The following DISP2 variants were observed in gnomAD, a reference collection of about 807,000 sequenced individuals.
DISP2 encodes protein dispatched homolog 2.
A neutral mutation model predicts 95.5 loss-of-function variants in DISP2; 59 were observed. That is an observed-to-expected ratio of 0.62 (90% CI 0.50 to 0.77). DISP2 has a LOEUF of 0.77. Among genes scored for constraint, DISP2 ranks in the 30% least tolerant of loss-of-function variants. The pLI, the probability that DISP2 is intolerant of heterozygous loss-of-function variation, is 0.00. For synonymous variants in DISP2, 827 were observed against 815.0 expected, an observed-to-expected ratio of 1.01 and a Z score of -0.25; for missense variants, 1,752 against 1,854.6, an observed-to-expected ratio of 0.94 and a Z score of 1.02.
intron 2 of DISP2, 95 bp from the exon 3 acceptor site, chr15:40,364,131 C>T (rs1889454450): frequency 1.3e-6 from 2 of 1,570,472 alleles, no homozygotes. Flanking sequence ...CATGGGTTAT[C>T]CCTCACCTAC....
rs1889714139 is a variant in DISP2, at chr15:40,375,176, T to C, written c.*4858T>C. 6.6e-6 allele frequency: 1 copy of C among 152,238 alleles called. No individual in the cohort carries two copies. The highest frequency in any genetic ancestry group is 6.5e-5 in the Admixed American group (1 of 15,288). 9.4% of individuals were successfully genotyped at this position (152,238 alleles called of 1,614,324 possible). ...AGAAAGCCACTATGTGCTATGTAAA[T>C]GTCTGGCCATCCAAAGCCACCTTAT... On this transcript the variant is annotated 3_prime_UTR_variant, in exon 8 of 8. Transcript: ENST00000267889.
In DISP2 at chr15:40,369,446, T is replaced by C; in HGVS notation, c.3334T>C (p.Cys1112Arg). 6.2e-7 allele frequency: 1 copy of C among 1,613,394 alleles called. No individual in the cohort carries two copies. Among genetic ancestry groups the C allele is most frequent in the Non-Finnish European group, 8.5e-7 (1 of 1,180,016 alleles). ...FASFFFQSLC[C>R]FFGPEKNCGQ... ...CAGCTTCTTCTTCCAATCTCTCTGC[T>C]GTTTCTTCGGGCCAGAGAAGAACTG... Residue 1112 changes from cysteine to arginine, a missense_variant, in exon 8 of 8, where the codon TGT becomes CGT. By Grantham distance (180) the Cys-to-Arg change is radical. Around this residue, in one of 5 missense-constraint regions of DISP2, gnomAD observed 317 missense variants for 394.9 expected, o/e 0.80. Transcript: ENST00000267889.
In DISP2 at chr15:40,358,266, G is replaced by GCCA; in HGVS notation, c.-54_-53insACC. 1 of 989,552 alleles carries GCCA rather than the reference G, an allele frequency of 1.0e-6. No individual in the cohort carries two copies. The highest frequency in any genetic ancestry group is 1.3e-6 in the Non-Finnish European group (1 of 782,874). 61.3% of individuals were successfully genotyped at this position (989,552 alleles called of 1,614,324 possible). A position where few individuals can be genotyped will look rare whatever the true frequency, so the allele number is the denominator to read the frequency against. On this transcript the variant is annotated 5_prime_UTR_variant, in exon 1 of 8. Transcript: ENST00000267889. ...CGCTGCCGCCGCCACCGCCGCCGCC[G>GCCA]CCGCCGCCGCCGCGGCTTCAGCACC... is the stretch of plus-strand genomic sequence containing the variant.
chr15:40,367,478 C>T lies in DISP2; in HGVS notation c.1366C>T (p.Leu456=). The T allele has an allele frequency of 6.2e-7, 1 of 1,613,840 alleles. No homozygotes were observed. Among genetic ancestry groups the T allele is most frequent in the African/African-American group, 1.3e-5 (1 of 74,972 alleles). ...CCTCATGGACATCTACCTGGACCGG[C>T]TGGCCACCCCCTGGGGGCTTGCTGA... ...ASLMDIYLDR[L]ATPWGLADNY... is the part of the protein sequence containing the mutation. Residue 456 remains leucine (L), a synonymous_variant, in exon 8 of 8, where the codon CTG becomes TTG. Transcript: ENST00000267889.
At chr15:40,365,576 C>T in intron 6 of DISP2, 52 bp from the exon 7 acceptor site, 1 of 1,601,636 alleles carries the variant, frequency 6.2e-7, no homozygotes, top group Non-Finnish European at 8.6e-7. Context: ...TTTGGAGGAC[C>T]CAGGACCTGG....
At position 40,373,279 on chromosome 15, in the gene DISP2, T is replaced by C. The variant is rs557759312; in HGVS notation, c.*2961T>C. The C allele has an allele frequency of 1.6e-3, 239 of 152,340 alleles. 1 individual carries two copies. Among genetic ancestry groups the C allele is most frequent in the African/African-American group, 5.6e-3 (232 of 41,560 alleles). The allele number at this position is 152,340 out of a possible 1,614,324, so 9.4% of individuals were successfully genotyped here. ...TGCTTGCCCTGCAAAATTCAAGAAA[T>C]GATTTCTCCCCACTCAGACACTCTA... On this transcript the variant is annotated 3_prime_UTR_variant, in exon 8 of 8. Coordinates refer to ENST00000267889, the MANE Select transcript of DISP2 (RefSeq NM_033510.3).
In DISP2 at chr15:40,370,375, G is replaced by A; in HGVS notation, c.*57G>A. 1.3e-6 allele frequency: 2 copies of A among 1,504,938 alleles called. No homozygotes were observed. The highest frequency in any genetic ancestry group is 4.6e-5 in the East Asian group (2 of 43,898). 93.2% of individuals were successfully genotyped at this position (1,504,938 alleles called of 1,614,324 possible). On this transcript the variant is annotated 3_prime_UTR_variant, in exon 8 of 8. Transcript: ENST00000267889. ...AACCCTGTCATGGATGACAAGGCAA[G>A]GGCAGCAATAGGCTGGAGCCCGAAG... is the stretch of plus-strand genomic sequence containing the variant.
rs1239862119 is a variant in DISP2 at position 40,368,343 on chromosome 15, A to AC, written c.2235dup (p.Phe746LeufsTer46). 2 of 1,604,492 alleles carry AC rather than the reference A, an allele frequency of 1.2e-6. No homozygotes were observed. The highest frequency in any genetic ancestry group is 1.7e-6 in the Non-Finnish European group (2 of 1,177,798). ...GGCGGCCAGGTCTTCCGGCCCAGCC[A>AC]CCCCTTCGAGCGCTTCGACGCGGAG... On this transcript the variant is annotated frameshift_variant, in exon 8 of 8. Coordinates refer to ENST00000267889, the MANE Select transcript of DISP2 (RefSeq NM_033510.3). LOFTEE classifies it high-confidence loss of function.
In DISP2 at chr15:40,365,149, C is replaced by G; in HGVS notation, c.722C>G (p.Ser241Trp). 1 of 1,613,218 alleles carries G rather than the reference C, an allele frequency of 6.2e-7. No homozygotes were observed. The highest frequency in any genetic ancestry group is 2.2e-5 in the East Asian group (1 of 44,884). The change falls in exon 6 of 8, where the codon TCG becomes TGG. Residue 241 changes from serine to tryptophan, a missense_variant and splice_region_variant. By Grantham distance (177) the Ser-to-Trp change is radical. Around this residue, in one of 5 missense-constraint regions of DISP2, gnomAD observed 342 missense variants for 364.3 expected, o/e 0.94. Coordinates refer to ENST00000267889, the MANE Select transcript of DISP2 (RefSeq NM_033510.3). ...CATAGATATTCTCTCCACTTCAGCT[C>G]GAGCTCCCACAACACTCTGAGGCCT... ...FLSPDLELNSSSSHNTLRPAP... is the reference protein window; with the variant it reads ...FLSPDLELNSWSSHNTLRPAP...
Position 40,363,848 on chromosome 15 carries a change from G to A in DISP2, c.343G>A (p.Ala115Thr), listed in dbSNP as rs572866435. 3 of 1,609,868 alleles carry A rather than the reference G, an allele frequency of 1.9e-6. No individual in the cohort carries two copies. The South Asian group carries it at 3.3e-5, about 18-fold the overall frequency. ...TTCCCTGCCAGGACTTGGGGATCGGGCAGCTCTCTGCTCCCACGGCTCCAG... is the reference window on the plus strand; with the variant it reads ...TTCCCTGCCAGGACTTGGGGATCGGACAGCTCTCTGCTCCCACGGCTCCAG... ...GSSLPGLGDR[A>T]ALCSHGSSLS... Residue 115 changes from alanine to threonine, a missense_variant, in exon 2 of 8, where the codon GCA becomes ACA. Ala to Thr is a moderately conservative substitution (Grantham distance 58). This residue lies in a region of DISP2 where 342 missense variants were observed against 364.3 expected (regional missense o/e 0.94). Transcript: ENST00000267889.
Position 40,369,869 on chromosome 15 carries a change from C to T in DISP2, c.3757C>T (p.Gln1253Ter). The T allele has an allele frequency of 6.4e-7, 1 of 1,568,284 alleles. No individual in the cohort carries two copies. The highest frequency in any genetic ancestry group is 8.7e-7 in the Non-Finnish European group (1 of 1,155,646). Residue 1253 changes from glutamine to a stop codon, truncating the protein, a stop_gained, in exon 8 of 8, where the codon CAA becomes TAA. Coordinates refer to ENST00000267889, the MANE Select transcript of DISP2 (RefSeq NM_033510.3). LOFTEE classifies it high-confidence loss of function. Reference protein sequence around the residue: ...SPKTRARQDSQGEEAEPLPAS... With the variant: ...SPKTRARQDS Reference sequence around the variant, plus strand: ...CAAAACCCGGGCCAGGCAGGACTCCCAAGGGGAGGAGGCTGAGCCCCTGCC... The same window carrying T: ...CAAAACCCGGGCCAGGCAGGACTCCTAAGGGGAGGAGGCTGAGCCCCTGCC...
rs1185658741 is a variant in DISP2, at chr15:40,370,137, T to TG, written c.4027dup (p.Ala1343GlyfsTer8). The TG allele has an allele frequency of 4.4e-6, 7 of 1,608,572 alleles. No individual in the cohort carries two copies. The highest frequency in any genetic ancestry group is 5.9e-6 in the Non-Finnish European group (7 of 1,176,988). On this transcript the variant is annotated frameshift_variant, in exon 8 of 8. Coordinates refer to ENST00000267889, the MANE Select transcript of DISP2 (RefSeq NM_033510.3). LOFTEE classifies it high-confidence loss of function. ...AATGGGAAGCGGGACACCCTGTGGC[T>TG]GGCGCTGAGGGAGACAGTGTATGAC... is the stretch of plus-strand genomic sequence containing the variant.
Position 40,367,368 on chromosome 15 carries a change from A to C in DISP2, c.1256A>C (p.Asp419Ala), listed in dbSNP as rs777581986. 1 of 1,612,818 alleles carries C rather than the reference A, an allele frequency of 6.2e-7. No individual in the cohort carries two copies. Among genetic ancestry groups the C allele is most frequent in the Non-Finnish European group, 8.5e-7 (1 of 1,179,802 alleles). Residue 419 changes from aspartate to alanine, a missense_variant, in exon 8 of 8, where the codon GAC becomes GCC. Physicochemically the swap from Asp to Ala is moderately radical, Grantham distance 126. This residue lies in a region of DISP2 where 732 missense variants were observed against 714.6 expected (regional missense o/e 1.02). Transcript: ENST00000267889. ...YQLLHFLLDR[D>A]FLSPQTTDYQ... ...CTCCTGCACTTTCTGCTTGACAGGG[A>C]CTTTCTGAGTCCCCAGACCACTGAC...
In DISP2 at chr15:40,368,633, C is replaced by A; in HGVS notation, c.2521C>A (p.Leu841Ile). Residue 841 changes from leucine (L) to isoleucine (I), a missense_variant, in exon 8 of 8, where the codon CTC becomes ATC. By Grantham distance (5) the Leu-to-Ile change is conservative. This residue lies in a region of DISP2 where 317 missense variants were observed against 394.9 expected (regional missense o/e 0.80). Coordinates refer to ENST00000267889, the MANE Select transcript of DISP2 (RefSeq NM_033510.3). ...GWPTLCFVET[L>I]QRWMESPSCA... ...GCCCACGCTGTGTTTCGTGGAGACC[C>A]TCCAGCGCTGGATGGAGAGCCCCAG... The A allele has an allele frequency of 6.2e-7, 1 of 1,609,198 alleles. No homozygotes were observed.
chr15:40,372,020 G>A lies in DISP2; in HGVS notation c.*1702G>A, dbSNP rs374799871. Reference sequence around the variant, plus strand: ...TCAGAAGACCAAGCGTCTCAGACTGGAAGGGGCCTTGGCGATCGTTTATTC... The same window carrying A: ...TCAGAAGACCAAGCGTCTCAGACTGAAAGGGGCCTTGGCGATCGTTTATTC... On this transcript the variant is annotated 3_prime_UTR_variant, in exon 8 of 8. Transcript: ENST00000267889. The A allele has an allele frequency of 1.3e-5, 2 of 152,220 alleles. No individual in the cohort carries two copies. Among genetic ancestry groups the A allele is most frequent in the African/African-American group, 4.8e-5 (2 of 41,458 alleles). 9.4% of individuals were successfully genotyped at this position (152,220 alleles called of 1,614,324 possible).
In DISP2 at chr15:40,367,805, C is replaced by T. The variant is rs978427633; in HGVS notation, c.1693C>T (p.Leu565=). 1.2e-6 allele frequency: 2 copies of T among 1,605,798 alleles called. No homozygotes were observed. The highest frequency in any genetic ancestry group is 2.7e-5 in the African/African-American group (2 of 74,960). Residue 565 remains leucine (L), a synonymous_variant, in exon 8 of 8, where the codon CTG becomes TTG. Transcript: ENST00000267889. ...CAACCACACGCTCATCTTCTTCGAC[C>T]TGTGGCGCCTTAGCAAGAGCCAGCT... ...CANHTLIFFD[L]WRLSKSQLPS...
At position 40,363,180 on chromosome 15, in the gene DISP2, C is replaced by T. The variant is rs1159182706; in HGVS notation, c.120-445C>T. Reference sequence around the variant, plus strand: ...AAAAAAAATTAGCGAGTCGTGATGGCGGGCACCTGTAATCCCAGCTACTCA... The same window carrying T: ...AAAAAAAATTAGCGAGTCGTGATGGTGGGCACCTGTAATCCCAGCTACTCA... On this transcript the variant is annotated intron_variant, in intron 1 of 7. Coordinates refer to ENST00000267889, the MANE Select transcript of DISP2 (RefSeq NM_033510.3). Among the ~76,000 whole-genome samples, 5 of 151,262 alleles carry T rather than the reference C, an allele frequency of 3.3e-5. No individual in the cohort carries two copies. The East Asian group carries it at 5.8e-4, about 18-fold the overall frequency.
At position 40,363,919 on chromosome 15, in the gene DISP2, G is replaced by A. The variant is rs1465368946; in HGVS notation, c.414G>A (p.Lys138=). The change falls in exon 2 of 8, where the codon AAG becomes AAA. Residue 138 remains lysine, a synonymous_variant. Coordinates refer to ENST00000267889, the MANE Select transcript of DISP2 (RefSeq NM_033510.3). Reference sequence around the variant, plus strand: ...CCTCACAGCGCGATGGGACCTGGAAGCCACCCGCTGTGCAGCACCATGTGG... The same window carrying A: ...CCTCACAGCGCGATGGGACCTGGAAACCACCCGCTGTGCAGCACCATGTGG... ...PAPSQRDGTW[K]PPAVQHHVVS... The A allele has an allele frequency of 6.4e-7, 1 of 1,552,166 alleles. No individual in the cohort carries two copies.
rs753030350 is a variant in DISP2, at chr15:40,369,492, G to A, written c.3380G>A (p.Cys1127Tyr). The change falls in exon 8 of 8, where the codon TGT becomes TAT. Residue 1127 changes from cysteine (C) to tyrosine (Y), a missense_variant. By Grantham distance (194) the Cys-to-Tyr change is radical (BLOSUM62 -2). Coordinates refer to ENST00000267889, the MANE Select transcript of DISP2 (RefSeq NM_033510.3). ...AACTGTGGGCAGATCCTCTGGCCCT[G>A]TGCCCACCTGCCATGGGATGCTGGT... is the stretch of plus-strand genomic sequence containing the variant. ...EKNCGQILWP[C>Y]AHLPWDAGTG... 3.1e-6 allele frequency: 5 copies of A among 1,613,054 alleles called. No individual in the cohort carries two copies. The Admixed American group carries it at 5.0e-5, about 16-fold the overall frequency.
Sources: gnomAD v4.1 joint callset for allele counts (sites outside exome capture counted in the v4.1 genomes callset) on GRCh38, gnomAD v4.1.1 for gene constraint, gnomAD v4.1.1 regional missense constraint, MANE v1.5 for transcripts, NCBI Gene and HGNC (gene_info 2026-07-23, HGNC 2026-07-21) for gene names.